NRAP: variants seen among roughly 807,000 people sequenced by gnomAD.
NRAP encodes nebulin-related-anchoring protein.
In NRAP, 189 loss-of-function variants were observed where a neutral mutation model predicts 225.9. The observed-to-expected ratio is 0.84, with a 90% CI of 0.74 to 0.94. NRAP has a LOEUF of 0.94. Ranked by LOEUF, NRAP falls within the 40% of genes least tolerant of loss-of-function variation. The pLI is 0.00. For synonymous variants in NRAP, 769 were observed against 790.7 expected (o/e 0.97, Z 0.46); for missense variants, 2,176 against 2,168.7 (o/e 1.00, Z -0.07).
intron 4 of NRAP, among the ~76,000 whole-genome samples, chr10:113,656,712 A>G (rs1850328635): frequency 6.6e-6 from 1 of 152,250 alleles, no homozygotes; most frequent in Non-Finnish European, 1.5e-5. Flanking sequence ...TAAATAACTC[A>G]TTTAAGATCC....
In NRAP at chr10:113,646,301, C is replaced by T. The variant is rs116619094; in HGVS notation, c.994-360G>A. On this transcript the variant is annotated intron_variant, in intron 10 of 41. Transcript: ENST00000359988. The stretch of plus-strand genomic sequence containing the variant: ...AGAGTAATGTCTTTTAACTTCCTTC[C>T]TCAGGCAAAGATGGTGCTGTTATGG... Among the ~76,000 whole-genome samples the T allele has an allele frequency of 6.9e-3, 1,055 of 152,184 alleles. 22 individuals are homozygous for T. The highest frequency in any genetic ancestry group is 0.024 in the African/African-American group (1,008 of 41,492).
intron 15 of NRAP, among the ~76,000 whole-genome samples, chr10:113,633,730 A>G (rs1383853450): frequency 6.6e-6 from 1 of 152,106 alleles, no homozygotes; most frequent in Non-Finnish European, 1.5e-5. Context: ...TTATATAAAC[A>G]TGTTTTTTCT....
intron 39 of NRAP, among the ~76,000 whole-genome samples, chr10:113,591,446 A>G (rs1014112090): frequency 3.3e-5 from 5 of 152,214 alleles, no homozygotes; most frequent in African/African-American, 9.7e-5. Flanking sequence ...GTAACACCCA[A>G]CCTGGCCTTC....
In NRAP at chr10:113,592,318, A is replaced by G. The variant is rs141357745; in HGVS notation, c.4537-17T>C. 1.6e-5 allele frequency: 24 copies of G among 1,539,256 alleles called. No homozygotes were observed. In the African/African-American group the frequency reaches 3.0e-4, roughly 19 times the overall value. On this transcript the variant is annotated splice_polypyrimidine_tract_variant and intron_variant, in intron 38 of 41. Coordinates refer to ENST00000359988, the MANE Select transcript of NRAP (RefSeq NM_198060.4). ...GTAGACTTTCTAGATTGGAAAAACA[A>G]AAGCATGAGTAAGCAGGCAGTCACT...
chr10:113,633,266 C>G (rs1282674472), intron 15 of NRAP, 78 bp from the exon 16 acceptor site: 43 of 803,930 alleles, frequency 5.3e-5, no homozygotes, highest in Non-Finnish European at 5.7e-5. Context: ...CTCTTTCCCC[C>G]TTAGACCCAT....
At chr10:113,655,482 G>A (rs1273817716) in intron 4 of NRAP, among the ~76,000 whole-genome samples, 1 of 145,254 alleles carries the variant, frequency 6.9e-6, no homozygotes, top group Non-Finnish European at 1.5e-5. Context: ...TTGAGACAGA[G>A]TCTTGCTCTG....
At chr10:113,643,231 G>T (rs1849310399) in intron 11 of NRAP, among the ~76,000 whole-genome samples, 193 bp from the exon 12 acceptor site, 1 of 152,066 alleles carries the variant, frequency 6.6e-6, no homozygotes, top group South Asian at 2.1e-4. Context: ...GCAAATAATT[G>T]GTTTCATTCA....
chr10:113,611,629 A>G (rs1030649086), intron 30 of NRAP, among the ~76,000 whole-genome samples: 8 of 152,178 alleles, frequency 5.3e-5, no homozygotes, highest in African/African-American at 1.9e-4. Flanking sequence ...AAGGGACCCA[A>G]GGAGGGTCTC....
At chr10:113,618,455 G>A (rs973722439) in intron 25 of NRAP, among the ~76,000 whole-genome samples, 1 of 152,222 alleles carries the variant, frequency 6.6e-6, no homozygotes, top group Non-Finnish European at 1.5e-5. Context: ...ATTGGAACAT[G>A]GCCATGCTCA....
intron 33 of NRAP, 64 bp downstream of exon 33, chr10:113,606,114 C>T (rs1446255407): frequency 8.2e-7 from 1 of 1,224,924 alleles, no homozygotes; most frequent in Non-Finnish European, 1.2e-6. Context: ...TGTTGGGTTA[C>T]TTCACAGATG....
chr10:113,595,982 C>T lies in NRAP; in HGVS notation c.4432-255G>A, dbSNP rs185290976. ...TCTTCAAGATCTGCTCCAAATAAGC[C>T]ACAAACCAACATCATGGTTGGCCAT... On this transcript the variant is annotated intron_variant, in intron 37 of 41. Transcript: ENST00000359988. Among the ~76,000 whole-genome samples, 205 of 152,258 alleles carry T rather than the reference C, an allele frequency of 1.3e-3. 1 individual carries two copies. Among genetic ancestry groups the T allele is most frequent in the Admixed American group, 4.6e-3 (71 of 15,292 alleles).
chr10:113,653,973 C>G (rs145467031), intron 5 of NRAP, 48 bp downstream of exon 5: 1 of 1,093,518 alleles, frequency 9.1e-7, no homozygotes, highest in East Asian at 2.4e-5. Flanking sequence ...AAACTAATTG[C>G]TAAGTAATTG....
intron 32 of NRAP, 35 bp downstream of exon 32, chr10:113,608,378 TA>T (rs1847122151): frequency 7.4e-7 from 1 of 1,348,878 alleles, no homozygotes; most frequent in Non-Finnish European, 1.1e-6. Context: ...GAGCAGTTTT[TA>T]AAAAGACCAT....
At chr10:113,623,421 A>C in intron 23 of NRAP, 108 bp downstream of exon 23, 1 of 619,442 alleles carries the variant, frequency 1.6e-6, no homozygotes. Flanking sequence ...ACAGATAAGA[A>C]TCCTGAGATT....
chr10:113,605,418 G>A (rs982037278), intron 34 of NRAP, among the ~76,000 whole-genome samples: 1 of 152,188 alleles, frequency 6.6e-6, no homozygotes, highest in Non-Finnish European at 1.5e-5. Flanking sequence ...GATGTGTTCC[G>A]GCTGTATTGC....
intron 29 of NRAP, 121 bp downstream of exon 29, chr10:113,614,062 G>T: frequency 4.2e-6 from 3 of 707,958 alleles, no homozygotes; most frequent in South Asian, 1.6e-5. Context: ...ACAATGTCAC[G>T]TAGCAAGTTA....
chr10:113,589,617 T>C, intron 41 of NRAP, 49 bp downstream of exon 41: 1 of 1,521,128 alleles, frequency 6.6e-7, no homozygotes, highest in Non-Finnish European at 8.7e-7. Flanking sequence ...GAGTTTGTCT[T>C]TCCCCATGGC....
chr10:113,617,560 A>G lies in NRAP; in HGVS notation c.2875-7T>C. On this transcript the variant is annotated splice_polypyrimidine_tract_variant and splice_region_variant and intron_variant, in intron 25 of 41. Transcript: ENST00000359988. ...GATGCTGACGGTACTTCTTCTGTTG[A>G]GCAGAAAAAGATCAAAGCTGTGAAT... is the stretch of plus-strand genomic sequence containing the variant. The G allele has an allele frequency of 3.9e-6, 6 of 1,553,260 alleles. No homozygotes were observed. Among genetic ancestry groups the G allele is most frequent in the Non-Finnish European group, 5.3e-6 (6 of 1,124,358 alleles).
chr10:113,637,922 C>CA (rs11312314), intron 14 of NRAP, among the ~76,000 whole-genome samples: 31 of 146,828 alleles, frequency 2.1e-4, no homozygotes, highest in African/African-American at 6.6e-4. Context: ...AACTCTGTCT[C>CA]AAAAAAAAAA....
Sources: allele counts gnomAD v4.1 joint callset (sites outside exome capture counted in the v4.1 genomes callset), GRCh38; gene constraint gnomAD v4.1.1; transcripts MANE v1.5; gene names NCBI Gene and HGNC (gene_info 2026-07-23, HGNC 2026-07-21).